The following MAP3K11 variants were observed in gnomAD, a reference collection of about 807,000 sequenced individuals.
MAP3K11 encodes the protein mitogen-activated protein kinase kinase kinase 11, also known as SH3 domain-containing proline-rich kinase.
A neutral mutation model predicts 84.9 loss-of-function variants in MAP3K11; 46 were observed. That is an observed-to-expected ratio of 0.54 (90% CI 0.43 to 0.69). The LOEUF (loss-of-function observed/expected upper bound fraction) is 0.69, where lower values mean the gene tolerates loss of function less well. Among genes scored for constraint, MAP3K11 ranks in the 30% least tolerant of loss-of-function variants. MAP3K11 has a pLI of 0.00. For missense variants in MAP3K11, 1,053 were observed against 1,198.3 expected, an observed-to-expected ratio of 0.88 and a Z score of 1.79; for synonymous variants, 527 against 514.7, an observed-to-expected ratio of 1.02 and a Z score of -0.32.
intron 8 of MAP3K11, 46 bp downstream of exon 8, chr11:65,605,715 C>T (rs578101720): frequency 8.8e-6 from 13 of 1,475,088 alleles, no homozygotes; most frequent in African/African-American, 2.8e-5. Context: ...AAGGTGCCCA[C>T]GGAAGGAGCT....
At chr11:65,599,805 G>A in intron 8 of MAP3K11, 37 bp from the exon 9 acceptor site, 3 of 1,581,486 alleles carry the variant, frequency 1.9e-6, no homozygotes, top group South Asian at 2.3e-5. Flanking sequence ...GGTGTGGCTG[G>A]TGCATATTCC....
intron 9 of MAP3K11, 30 bp downstream of exon 9, chr11:65,599,364 T>C: frequency 2.6e-6 from 4 of 1,530,554 alleles, no homozygotes; most frequent in Non-Finnish European, 2.6e-6. Flanking sequence ...GTCTCCCATA[T>C]GTGAAGCAGG....
chr11:65,611,689 C>G (rs1383775502), intron 1 of MAP3K11: 1 of 152,288 alleles, frequency 6.6e-6, no homozygotes, highest in Non-Finnish European at 1.5e-5. Flanking sequence ...GCAGGAAACG[C>G]AGGAAGCAGT....
At chr11:65,612,882 G>A (rs1854589693) in intron 1 of MAP3K11, 136 bp downstream of exon 1, 15 of 1,024,078 alleles carry the variant, frequency 1.5e-5, no homozygotes, top group Non-Finnish European at 2.0e-5. Flanking sequence ...TGAGCCCATG[G>A]GCACCCCTGG....
chr11:65,598,040 A>G lies in MAP3K11; in HGVS notation c.*251T>C, dbSNP rs556372104. ...CCTGAGACAGGCTCTGGTCCTCCCA[A>G]CCAGCTGGGTACAGTGTTGGGCCCC... On this transcript the variant is annotated 3_prime_UTR_variant, in exon 10 of 10. Coordinates refer to ENST00000309100, the MANE Select transcript of MAP3K11 (RefSeq NM_002419.4). 18 of 383,034 alleles carry G rather than the reference A, an allele frequency of 4.7e-5. No homozygotes were observed. In the East Asian group the frequency reaches 6.7e-4, roughly 14 times the overall value. The allele number at this position is 383,034 out of a possible 1,614,324, so 23.7% of individuals were successfully genotyped here. A position where few individuals can be genotyped will look rare whatever the true frequency, so the allele number is the denominator to read the frequency against.
At chr11:65,612,556 C>T (rs1156399471) in intron 1 of MAP3K11, 1 of 156,306 alleles carries the variant, frequency 6.4e-6, no homozygotes, top group Non-Finnish European at 1.4e-5. Context: ...CCAGCCCTGG[C>T]CTTAGCCTTG....
intron 1 of MAP3K11, chr11:65,608,689 C>T (rs943907103): frequency 1.7e-4 from 80 of 462,156 alleles, no homozygotes; most frequent in Non-Finnish European, 2.6e-4. Context: ...GTGATCTTGG[C>T]TCACTGCAAC....
chr11:65,599,264 G>T, intron 9 of MAP3K11, 130 bp downstream of exon 9: 2 of 1,133,744 alleles, frequency 1.8e-6, no homozygotes, highest in Non-Finnish European at 1.2e-6. Context: ...TACCCCGAAT[G>T]CCTGGTTCAG....
chr11:65,613,008 A>G lies in MAP3K11; in HGVS notation c.739+10T>C, dbSNP rs756809921. On this transcript the variant is annotated intron_variant, in intron 1 of 9. Transcript: ENST00000309100. ...CCATGCCACCCCCAACCATGCCCCCAGAAACTCACTGTTGTTGGACTTGAG... is the reference window on the plus strand; with the variant it reads ...CCATGCCACCCCCAACCATGCCCCCGGAAACTCACTGTTGTTGGACTTGAG... The G allele has an allele frequency of 6.6e-7, 1 of 1,519,778 alleles. No homozygotes were observed. The highest frequency in any genetic ancestry group is 8.8e-7 in the Non-Finnish European group (1 of 1,134,240). 94.1% of individuals were successfully genotyped at this position (1,519,778 alleles called of 1,614,324 possible).
chr11:65,600,234 GCA>G (rs1037893211), intron 8 of MAP3K11, among the ~76,000 whole-genome samples: 1 of 148,534 alleles, frequency 6.7e-6, no homozygotes, highest in Non-Finnish European at 1.5e-5. Context: ...CTTATAAGAT[GCA>G]CACAGTCAAC....
rs1854618282 is a variant in MAP3K11, at chr11:65,613,897, G to A, written c.-141C>T. On this transcript the variant is annotated 5_prime_UTR_variant, in exon 1 of 10. Transcript: ENST00000309100. ...CAGCCCCAGACCCACGCCTCTCTGG[G>A]GAGCCAGGAGTGTTGTCTCCCGGCC... 1 of 949,506 alleles carries A rather than the reference G, an allele frequency of 1.1e-6. No homozygotes were observed. The highest frequency in any genetic ancestry group is 1.7e-5 in the African/African-American group (1 of 60,128). 58.8% of individuals were successfully genotyped at this position (949,506 alleles called of 1,614,324 possible).
Position 65,613,086 on chromosome 11 carries a change from C to T in MAP3K11, c.671G>A (p.Arg224His), listed in dbSNP as rs1466480687. ...CTCGCAGTGCAGGTAGTGCATCCCA[C>T]GGGCAATCTGCACAGCCCAGTTGAC... ...VLVNWAVQIA[R>H]GMHYLHCEAL... The change falls in exon 1 of 10, where the codon CGT (arginine) becomes CAT (histidine). Residue 224 changes from arginine (R) to histidine (H), a missense_variant. By Grantham distance (29) the Arg-to-His change is conservative. Around this residue, in one of 3 missense-constraint regions of MAP3K11, gnomAD observed 310 missense variants for 464.5 expected, o/e 0.67. Transcript: ENST00000309100. 18 of 1,543,426 alleles carry T rather than the reference C, an allele frequency of 1.2e-5. No homozygotes were observed. The highest frequency in any genetic ancestry group is 2.3e-5 in the East Asian group (1 of 44,246).
rs777262484 is a variant in MAP3K11 at position 65,599,756 on chromosome 11, C to T, written c.1844G>A (p.Arg615Gln). 1.8e-5 allele frequency: 28 copies of T among 1,593,252 alleles called. No individual in the cohort carries two copies. In the East Asian group the frequency reaches 1.8e-4, roughly 10 times the overall value. ...GGGCTCCTCGGGCTCCAGGCTAGGC[C>T]GCGGGGGGTTACCTGCGGGCAGAGG... ...TPPALNGNPPRPSLEPEEPKR... is the reference protein window; with the variant it reads ...TPPALNGNPPQPSLEPEEPKR... Residue 615 changes from arginine (R) to glutamine (Q), a missense_variant, in exon 9 of 10, where the codon CGG (arginine) becomes CAG (glutamine). Physicochemically the swap from Arg to Gln is conservative, Grantham distance 43. This residue lies in a region of MAP3K11 where 583 missense variants were observed against 566.6 expected (regional missense o/e 1.03). Transcript: ENST00000309100.
rs1203169327 is a variant in MAP3K11 at position 65,613,977 on chromosome 11, G to C, written c.-221C>G. On this transcript the variant is annotated 5_prime_UTR_variant, in exon 1 of 10. Coordinates refer to ENST00000309100, the MANE Select transcript of MAP3K11 (RefSeq NM_002419.4). ...ACCCAGGGCAGTGTGGTCAGGCCGG[G>C]GGGGTGGGGCCCCGGGGCCTCCGGC... 2 of 589,176 alleles carry C rather than the reference G, an allele frequency of 3.4e-6. No individual in the cohort carries two copies. The highest frequency in any genetic ancestry group is 3.8e-5 in the African/African-American group (2 of 53,032). 36.5% of individuals were successfully genotyped at this position (589,176 alleles called of 1,614,324 possible). A position where few individuals can be genotyped will look rare whatever the true frequency, so the allele number is the denominator to read the frequency against.
chr11:65,613,546 G>C lies in MAP3K11; in HGVS notation c.211C>G (p.Leu71Val). ...CCTGAGATGGCTGCGTCCCGGGACAGCACCTCCACACGGTCACCCTTCCTC... is the reference window on the plus strand; with the variant it reads ...CCTGAGATGGCTGCGTCCCGGGACACCACCTCCACACGGTCACCCTTCCTC... ...ALRKGDRVEV[L>V]SRDAAISGDE... is the part of the protein sequence containing the mutation. Residue 71 changes from leucine to valine, a missense_variant, in exon 1 of 10, where the codon CTG becomes GTG. Leu to Val is a conservative substitution (Grantham distance 32). Transcript: ENST00000309100. 1 of 1,611,278 alleles carries C rather than the reference G, an allele frequency of 6.2e-7. No individual in the cohort carries two copies. Among genetic ancestry groups the C allele is most frequent in the Non-Finnish European group, 8.5e-7 (1 of 1,178,634 alleles).
intron 1 of MAP3K11, 193 bp downstream of exon 1, chr11:65,612,825 G>A (rs569639877): frequency 1.4e-5 from 7 of 498,410 alleles, no homozygotes; most frequent in Middle Eastern, 4.0e-4. Context: ...TGAAGCTGGC[G>A]CAGGAAGACT....
chr11:65,605,427 C>T (rs984949160), intron 8 of MAP3K11, among the ~76,000 whole-genome samples: 2 of 152,184 alleles, frequency 1.3e-5, no homozygotes, highest in Non-Finnish European at 2.9e-5. Context: ...GCCAGGTGGG[C>T]TTCCTGTCTT....
At chr11:65,612,887 C>T (rs538241023) in intron 1 of MAP3K11, 131 bp downstream of exon 1, 13 of 1,106,622 alleles carry the variant, frequency 1.2e-5, no homozygotes, top group South Asian at 2.3e-5. Context: ...CCATGGGCAC[C>T]CCTGGTCAGC....
At position 65,613,818 on chromosome 11, in the gene MAP3K11, C is replaced by T. The variant is rs950024844; in HGVS notation, c.-62G>A. 9 of 1,455,308 alleles carry T rather than the reference C, an allele frequency of 6.2e-6. No homozygotes were observed. The East Asian group carries it at 1.2e-4, about 20-fold the overall frequency. The allele number at this position is 1,455,308 out of a possible 1,614,324, so 90.1% of individuals were successfully genotyped here. ...CTCTGGGTGCCCGTGGTCCCCACCCCCGCTGGCTGCCAAGGCCCTAGTCCC... is the reference window on the plus strand; with the variant it reads ...CTCTGGGTGCCCGTGGTCCCCACCCTCGCTGGCTGCCAAGGCCCTAGTCCC... On this transcript the variant is annotated 5_prime_UTR_variant, in exon 1 of 10. Transcript: ENST00000309100.
Sources: allele counts gnomAD v4.1 joint callset (sites outside exome capture counted in the v4.1 genomes callset), GRCh38; gene constraint gnomAD v4.1.1; regional missense constraint gnomAD v4.1.1; transcripts MANE v1.5; gene names NCBI Gene and HGNC (gene_info 2026-07-23, HGNC 2026-07-21).